Variants in SCARB2 observed in about 807,000 individuals in gnomAD.
The protein encoded by SCARB2 is lysosome membrane protein 2.
Under a neutral mutation model 58.6 loss-of-function variants are expected in SCARB2, and 29 were observed. That is an observed-to-expected ratio of 0.49 (90% CI 0.37 to 0.67). The LOEUF is 0.67. Among genes scored for constraint, SCARB2 ranks in the 30% least tolerant of loss-of-function variants. The pLI, the probability that SCARB2 is intolerant of heterozygous loss-of-function variation, is 0.00. For missense variants in SCARB2, 488 were observed against 578.5 expected, an observed-to-expected ratio of 0.84 and a Z score of 1.60; for synonymous variants, 195 against 210.1, an observed-to-expected ratio of 0.93 and a Z score of 0.62.
At chr4:76,205,973 T>C (rs1732923334) in intron 1 of SCARB2, among the ~76,000 whole-genome samples, 1 of 152,116 alleles carries the variant, frequency 6.6e-6, no homozygotes, top group South Asian at 2.1e-4. Flanking sequence ...GGTCTGAATG[T>C]TTATGTCCCC....
chr4:76,215,063 T>C (rs998518194), upstream of SCARB2, among the ~76,000 whole-genome samples: 43 of 152,256 alleles, frequency 2.8e-4, no homozygotes, highest in African/African-American at 1.0e-3. Flanking sequence ...AGGCCCGCCT[T>C]AGTATCCCTG....
intron 1 of SCARB2, among the ~76,000 whole-genome samples, chr4:76,231,052 G>A (rs187848682): frequency 6.6e-6 from 1 of 152,234 alleles, no homozygotes; most frequent in East Asian, 1.9e-4. Flanking sequence ...GTGTCTCAGG[G>A]GAGTTGCATG....
chr4:76,220,667 CTTCTT>C (rs888114983), intron 1 of SCARB2, among the ~76,000 whole-genome samples: 20 of 152,302 alleles, frequency 1.3e-4, no homozygotes, highest in African/African-American at 4.8e-4. Context: ...ACAGTGCAGA[CTTCTT>C]TTCTTTTCTT....
At chr4:76,188,304 C>T (rs1309690622) in intron 2 of SCARB2, among the ~76,000 whole-genome samples, 1 of 152,246 alleles carries the variant, frequency 6.6e-6, no homozygotes, top group African/African-American at 2.4e-5. Flanking sequence ...CAGACCCATT[C>T]CAGGGCTGCT....
In SCARB2 at chr4:76,193,166, G is replaced by A. The variant is rs1371535714; in HGVS notation, c.275+2541C>T. On this transcript the variant is annotated intron_variant, in intron 2 of 11. Transcript: ENST00000264896. ...GTACAGTTCAGGCCACTCCTCTGGAGGGTGCAAGCCATAAGCTTTGGCAGC... is the reference window on the plus strand; with the variant it reads ...GTACAGTTCAGGCCACTCCTCTGGAAGGTGCAAGCCATAAGCTTTGGCAGC... 3.9e-5 allele frequency: 6 copies of A among 152,352 alleles called. No individual in the cohort carries two copies. The East Asian group carries it at 1.2e-3, about 29-fold the overall frequency. The allele number at this position is 152,352 out of a possible 1,614,324, so 9.4% of individuals were successfully genotyped here. A position where few individuals can be genotyped will look rare whatever the true frequency, so the allele number is the denominator to read the frequency against.
intron 1 of SCARB2, among the ~76,000 whole-genome samples, chr4:76,212,095 TA>T (rs776579118): frequency 1.3e-5 from 2 of 152,134 alleles, no homozygotes; most frequent in Non-Finnish European, 2.9e-5. Flanking sequence ...CAAGGCCATA[TA>T]AGAAAACTCA....
chr4:76,176,273 T>A (rs1732249959), intron 5 of SCARB2, 164 bp downstream of exon 5: 1 of 621,534 alleles, frequency 1.6e-6, no homozygotes. Flanking sequence ...GTAAGATGTT[T>A]TACCACCATC....
intron 5 of SCARB2, 52 bp downstream of exon 5, chr4:76,176,385 A>C (rs1314479416): frequency 8.1e-7 from 1 of 1,235,000 alleles, no homozygotes; most frequent in Non-Finnish European, 1.2e-6. Context: ...GTAGACATGT[A>C]GTTTAAATGA....
At chr4:76,174,572 AACATT>A in intron 6 of SCARB2, 3 of 443,554 alleles carry the variant, frequency 6.8e-6, no homozygotes, top group South Asian at 6.4e-5. Flanking sequence ...TTAAGATGAT[AACATT>A]TAGAATGGAG....
In SCARB2 at chr4:76,174,217, G is replaced by A. The variant is rs1732196836; in HGVS notation, c.921C>T (p.Asp307=). ...CCTCAGGTATACAGAAGCCGGCATT[G>A]TCTGACGTATTGGCTAATATTTCTG... is the stretch of plus-strand genomic sequence containing the variant. ...VPAEILANTS[D]NAGFCIPEGN... The change falls in exon 7 of 12, where the codon GAC becomes GAT. Residue 307 remains aspartate, a synonymous_variant. Coordinates refer to ENST00000264896, the MANE Select transcript of SCARB2 (RefSeq NM_005506.4). The A allele has an allele frequency of 1.6e-5, 26 of 1,614,064 alleles. No homozygotes were observed. Among genetic ancestry groups the A allele is most frequent in the East Asian group, 2.2e-5 (1 of 44,902 alleles).
intron 1 of SCARB2, among the ~76,000 whole-genome samples, chr4:76,223,040 C>A (rs1051396358): frequency 2.0e-5 from 3 of 152,156 alleles, no homozygotes; most frequent in Non-Finnish European, 2.9e-5. Flanking sequence ...ATTGCACACC[C>A]CTTCAAAGCC....
At chr4:76,225,231 T>C (rs1204231260) in intron 1 of SCARB2, among the ~76,000 whole-genome samples, 1 of 152,230 alleles carries the variant, frequency 6.6e-6, no homozygotes, top group East Asian at 1.9e-4. Context: ...CAGTTGTGTA[T>C]TGTGCTGCTA....
intron 7 of SCARB2, 22 bp downstream of exon 7, chr4:76,174,122 T>C (rs997751276): frequency 2.5e-6 from 4 of 1,612,884 alleles, no homozygotes; most frequent in Non-Finnish European, 3.4e-6. Flanking sequence ...ACCCCTATCA[T>C]GTCCCCTCTC....
chr4:76,219,356 G>T (rs370179310), intron 1 of SCARB2, among the ~76,000 whole-genome samples: 9 of 152,274 alleles, frequency 5.9e-5, no homozygotes, highest in African/African-American at 2.2e-4. Flanking sequence ...ATATTCTGAC[G>T]TGAAATGTAT....
chr4:76,169,317 TAC>T (rs1553947566), intron 8 of SCARB2, among the ~76,000 whole-genome samples: 1,875 of 127,138 alleles, frequency 0.015, 20 homozygotes, highest in South Asian at 0.025. Context: ...ATGTGTATTA[TAC>T]ACACACACAC....
chr4:76,165,764 T>G (rs1731995076), intron 10 of SCARB2: 1 of 105,658 alleles, frequency 9.5e-6, no homozygotes, highest in Non-Finnish European at 2.1e-5. Flanking sequence ...AAAACCTGCG[T>G]TTTTTTTTTT....
chr4:76,176,367 A>C, intron 5 of SCARB2, 70 bp downstream of exon 5: 1 of 1,043,536 alleles, frequency 9.6e-7, no homozygotes, highest in Non-Finnish European at 1.5e-6. Flanking sequence ...TTTTTAAGCA[A>C]TGTAGAAGTA....
At chr4:76,196,209 C>T (rs1486288331) in intron 1 of SCARB2, among the ~76,000 whole-genome samples, 1 of 152,116 alleles carries the variant, frequency 6.6e-6, no homozygotes, top group Non-Finnish European at 1.5e-5. Context: ...AAAAATCAGC[C>T]AGGTGTGGTG....
intron 2 of SCARB2, among the ~76,000 whole-genome samples, chr4:76,185,540 A>G (rs1732467393): frequency 6.6e-6 from 1 of 152,246 alleles, no homozygotes; most frequent in African/African-American, 2.4e-5. Flanking sequence ...TGCTCCATGA[A>G]CTATTTAATC....
Sources: allele counts gnomAD v4.1 joint callset (sites outside exome capture counted in the v4.1 genomes callset), GRCh38; gene constraint gnomAD v4.1.1; transcripts MANE v1.5; gene names NCBI Gene and HGNC (gene_info 2026-07-23, HGNC 2026-07-21).